Variants in REDIC1 observed in about 807,000 individuals in gnomAD.
REDIC1 encodes the protein regulator of DNA class I crossover intermediates 1.
the REDIC1 span, among the ~76,000 whole-genome samples, chr12:39,883,681 C>G: frequency 6.6e-6 from 1 of 152,122 alleles, no homozygotes; most frequent in Non-Finnish European, 1.5e-5. Flanking sequence ...CTTAAAGGTT[C>G]ACTTGTAAGT....
the REDIC1 span, among the ~76,000 whole-genome samples, chr12:39,781,066 C>A: frequency 6.6e-6 from 1 of 152,150 alleles, no homozygotes; most frequent in Non-Finnish European, 1.5e-5. Flanking sequence ...AATAGCTTCA[C>A]AGATTAAGCA....
At chr12:39,747,284 A>G in the REDIC1 span, among the ~76,000 whole-genome samples, 4 of 152,246 alleles carry the variant, frequency 2.6e-5, no homozygotes, top group Non-Finnish European at 5.9e-5. Context: ...CGAATGCACA[A>G]GCTTCAGTAG....
At chr12:39,806,937 G>A in the REDIC1 span, among the ~76,000 whole-genome samples, 14 of 152,080 alleles carry the variant, frequency 9.2e-5, no homozygotes, top group Admixed American at 9.2e-4. Flanking sequence ...AATCTCCAGA[G>A]AATTATGCTG....
chr12:39,747,868 A>T, the REDIC1 span, among the ~76,000 whole-genome samples: 1 of 152,184 alleles, frequency 6.6e-6, no homozygotes, highest in Non-Finnish European at 1.5e-5. Context: ...TTTACAGACA[A>T]GCAAATGCTG....
the REDIC1 span, among the ~76,000 whole-genome samples, chr12:39,689,274 T>C: frequency 6.6e-6 from 1 of 152,210 alleles, no homozygotes; most frequent in African/African-American, 2.4e-5. Flanking sequence ...AATTGCCTGC[T>C]TACCAGAAAC....
the REDIC1 span, among the ~76,000 whole-genome samples, chr12:39,653,539 T>TTCTTCTTC: frequency 0.012 from 687 of 56,072 alleles, 56 homozygotes; most frequent in African/African-American, 0.039. Flanking sequence ...TCTTCTTCTT[T>TTCTTCTTC]TTCTTCTTCT....
chr12:39,727,818 T>C, the REDIC1 span, among the ~76,000 whole-genome samples: 1 of 152,226 alleles, frequency 6.6e-6, no homozygotes, highest in Admixed American at 6.5e-5. Context: ...TTGTGTCCTC[T>C]CTTATTTCCT....
the REDIC1 span, among the ~76,000 whole-genome samples, chr12:39,881,368 T>C: frequency 1.8e-4 from 27 of 152,280 alleles, no homozygotes; most frequent in East Asian, 3.9e-3. Flanking sequence ...GTGGATATGA[T>C]GAATTATTGT....
chr12:39,873,913 A>G, the REDIC1 span, among the ~76,000 whole-genome samples: 2 of 152,224 alleles, frequency 1.3e-5, no homozygotes, highest in East Asian at 1.9e-4. Context: ...GTTAGGTAAC[A>G]TAATCACTTG....
At chr12:39,821,374 C>T in the REDIC1 span, among the ~76,000 whole-genome samples, 1 of 151,924 alleles carries the variant, frequency 6.6e-6, no homozygotes, top group Admixed American at 6.6e-5. Context: ...TGTGCCACTA[C>T]ACTCCAGCCT....
the REDIC1 span, chr12:39,684,066 A>G: frequency 1.2e-6 from 1 of 808,208 alleles, no homozygotes; most frequent in Non-Finnish European, 1.5e-6. Flanking sequence ...AATCTCCTCT[A>G]CCCATACATT....
At chr12:39,675,900 A>G in the REDIC1 span, among the ~76,000 whole-genome samples, 120,559 of 152,084 alleles carry the variant, frequency 0.79, 48,515 homozygotes, top group Non-Finnish European at 0.87. Flanking sequence ...GGGAACAGGG[A>G]GAGCACCACA....
chr12:39,800,160 T>C, the REDIC1 span, among the ~76,000 whole-genome samples: 1 of 152,204 alleles, frequency 6.6e-6, no homozygotes, highest in Admixed American at 6.5e-5. Flanking sequence ...GTAATATAAC[T>C]TTAAATCCTT....
the REDIC1 span, among the ~76,000 whole-genome samples, chr12:39,673,010 T>C: frequency 3.6e-3 from 554 of 152,184 alleles, 3 homozygotes; most frequent in African/African-American, 0.013. Context: ...GGGACTCCAA[T>C]GTGGCCAGGA....
the REDIC1 span, among the ~76,000 whole-genome samples, chr12:39,780,061 A>G: frequency 6.6e-6 from 1 of 152,222 alleles, no homozygotes; most frequent in African/African-American, 2.4e-5. Context: ...AATGTCCTTG[A>G]GTAGATGTAA....
chr12:39,708,617 G>A, the REDIC1 span, among the ~76,000 whole-genome samples: 1 of 151,648 alleles, frequency 6.6e-6, no homozygotes, highest in Non-Finnish European at 1.5e-5. Context: ...GTTTCTATCA[G>A]TCCAAGTTTT....
the REDIC1 span, among the ~76,000 whole-genome samples, chr12:39,737,978 A>G: frequency 1.3e-5 from 2 of 152,214 alleles, no homozygotes; most frequent in African/African-American, 4.8e-5. Flanking sequence ...AAGAAGACCT[A>G]TTTCAGTAAC....
At chr12:39,874,172 G>A in the REDIC1 span, among the ~76,000 whole-genome samples, 97 of 152,312 alleles carry the variant, frequency 6.4e-4, no homozygotes, top group Non-Finnish European at 1.2e-3. Flanking sequence ...TGTTAGGGTT[G>A]TGCCTTGTCA....
the REDIC1 span, chr12:39,757,960 T>C: frequency 7.2e-5 from 11 of 152,196 alleles, no homozygotes; most frequent in African/African-American, 2.2e-4. Context: ...TTTCTCCTTA[T>C]TATATTTTGA....
Sources: gnomAD v4.1 joint callset for allele counts (sites outside exome capture counted in the v4.1 genomes callset) on GRCh38, gnomAD v4.1.1 for gene constraint, MANE v1.5 for transcripts, NCBI Gene and HGNC (gene_info 2026-07-23, HGNC 2026-07-21) for gene names.